Variants in PREX2 observed in about 807,000 individuals in gnomAD.
PREX2 encodes phosphatidylinositol-3,4,5-trisphosphate dependent Rac exchange factor 2.
PREX2 carries 107 observed loss-of-function variants against 203.2 expected under a neutral mutation model. That is an observed-to-expected ratio of 0.53 (90% CI 0.45 to 0.62). The LOEUF is 0.62. PREX2 is among the 20% of genes least tolerant of loss of function. The probability of loss-of-function intolerance (pLI) is 0.00; values close to 1 mark genes in which losing one functional copy is unlikely to be tolerated. For synonymous variants in PREX2, 672 were observed against 663.6 expected, an observed-to-expected ratio of 1.01 and a Z score of -0.19; for missense variants, 1,777 against 1,955.9, an observed-to-expected ratio of 0.91 and a Z score of 1.72.
chr8:67,988,097 C>A (rs1806489300), intron 1 of PREX2, among the ~76,000 whole-genome samples: 1 of 152,300 alleles, frequency 6.6e-6, no homozygotes, highest in South Asian at 2.1e-4. Context: ...ACACCTCTAC[C>A]TTCTAGTCAT....
At chr8:68,122,822 A>C (rs6998897) in intron 30 of PREX2, among the ~76,000 whole-genome samples, 3,865 of 152,134 alleles carry the variant, frequency 0.025, 150 homozygotes, top group African/African-American at 0.087. Context: ...TTTTGAGTGA[A>C]TTTCTTAATC....
intron 32 of PREX2, among the ~76,000 whole-genome samples, chr8:68,136,059 C>G (rs1448694063): frequency 2.6e-5 from 4 of 152,040 alleles, no homozygotes; most frequent in South Asian, 2.1e-4. Context: ...CTAGTGGTTG[C>G]CTACAGCTGA....
intron 37 of PREX2, among the ~76,000 whole-genome samples, chr8:68,201,837 A>G (rs1812508134): frequency 6.6e-6 from 1 of 151,848 alleles, no homozygotes; most frequent in African/African-American, 2.4e-5. Flanking sequence ...GTCTTCTAAC[A>G]TATTCAGGAA....
chr8:67,952,573 G>A, intron 1 of PREX2, 38 bp downstream of exon 1: 1 of 1,587,170 alleles, frequency 6.3e-7, no homozygotes, highest in South Asian at 1.1e-5. Flanking sequence ...ACGTCCGGGC[G>A]GCGCGGGGCG....
intron 33 of PREX2, among the ~76,000 whole-genome samples, chr8:68,143,351 C>T (rs62522680): frequency 0.11 from 17,240 of 152,084 alleles, 1,246 homozygotes; most frequent in East Asian, 0.2. Flanking sequence ...CTCTCTTGCT[C>T]TTGCCATATG....
At chr8:67,984,979 T>C (rs901381907) in intron 1 of PREX2, among the ~76,000 whole-genome samples, 1 of 151,702 alleles carries the variant, frequency 6.6e-6, no homozygotes, top group African/African-American at 2.4e-5. Context: ...TGTTAGGACT[T>C]TGGGCTGTGC....
At chr8:68,229,383 A>G (rs556027793) in intron 39 of PREX2, among the ~76,000 whole-genome samples, 38 of 152,230 alleles carry the variant, frequency 2.5e-4, no homozygotes, top group Non-Finnish European at 5.0e-4. Context: ...CTGCCAAAAA[A>G]TAAATGCTTC....
chr8:68,165,951 T>C (rs7835255), intron 35 of PREX2, among the ~76,000 whole-genome samples: 15,759 of 152,164 alleles, frequency 0.1, 1,059 homozygotes, highest in Admixed American at 0.16. Flanking sequence ...TAGGAAAGTA[T>C]CTGCAATGTT....
At chr8:68,142,538 A>G (rs1459423657) in intron 33 of PREX2, among the ~76,000 whole-genome samples, 3 of 152,180 alleles carry the variant, frequency 2.0e-5, no homozygotes, top group Non-Finnish European at 2.9e-5. Context: ...CATTCAAAGG[A>G]CATCTTGGTT....
intron 8 of PREX2, 85 bp from the exon 9 acceptor site, chr8:68,053,012 A>T: frequency 8.0e-7 from 1 of 1,243,070 alleles, no homozygotes; most frequent in Non-Finnish European, 1.1e-6. Flanking sequence ...GTGGTTTTGG[A>T]ACTTTTGTGT....
intron 35 of PREX2, among the ~76,000 whole-genome samples, chr8:68,187,727 C>T (rs138004751): frequency 9.5e-4 from 145 of 152,238 alleles, no homozygotes; most frequent in African/African-American, 2.9e-3. Flanking sequence ...GAGATGCCGC[C>T]TCTGTTCCAA....
At chr8:68,080,122 A>G (rs1008589284) in intron 15 of PREX2, among the ~76,000 whole-genome samples, 3 of 152,208 alleles carry the variant, frequency 2.0e-5, no homozygotes, top group Non-Finnish European at 4.4e-5. Context: ...TGGATTCATT[A>G]TAATCTTTTA....
intron 35 of PREX2, among the ~76,000 whole-genome samples, chr8:68,178,337 C>G (rs528089565): frequency 5.9e-5 from 9 of 152,174 alleles, no homozygotes; most frequent in African/African-American, 1.9e-4. Context: ...GAGATGGTAT[C>G]TCATTGTGGT....
intron 23 of PREX2, among the ~76,000 whole-genome samples, chr8:68,102,194 A>T (rs1296475147): frequency 6.6e-6 from 1 of 152,150 alleles, no homozygotes; most frequent in Non-Finnish European, 1.5e-5. Context: ...CTCTTCTCTC[A>T]TCCTGCCTCT....
At chr8:68,026,373 A>G (rs1327424562) in intron 4 of PREX2, among the ~76,000 whole-genome samples, 2 of 152,104 alleles carry the variant, frequency 1.3e-5, no homozygotes, top group East Asian at 3.9e-4. Flanking sequence ...GAAAGTTGCT[A>G]ACTTAGTTTG....
chr8:68,174,957 G>A (rs888491348), intron 35 of PREX2, among the ~76,000 whole-genome samples: 1 of 152,188 alleles, frequency 6.6e-6, no homozygotes, highest in Admixed American at 6.5e-5. Context: ...GCAAGCGCAG[G>A]AATGTGCACA....
intron 1 of PREX2, among the ~76,000 whole-genome samples, chr8:68,014,380 T>A (rs1045744080): frequency 6.6e-6 from 1 of 152,034 alleles, no homozygotes; most frequent in Non-Finnish European, 1.5e-5. Flanking sequence ...GTGGAGCCAT[T>A]GTTAGGGGAA....
At chr8:68,164,489 T>C (rs1353746705) in intron 35 of PREX2, among the ~76,000 whole-genome samples, 1 of 151,862 alleles carries the variant, frequency 6.6e-6, no homozygotes, top group Non-Finnish European at 1.5e-5. Context: ...TAGCATCCTT[T>C]TAAAAAATAC....
chr8:67,954,118 A>C (rs933277991), intron 1 of PREX2, among the ~76,000 whole-genome samples: 1 of 152,220 alleles, frequency 6.6e-6, no homozygotes, highest in African/African-American at 2.4e-5. Flanking sequence ...GATCATTACA[A>C]CAGAAAACTT....
Sources: gnomAD v4.1 joint callset for allele counts (sites outside exome capture counted in the v4.1 genomes callset) on GRCh38, gnomAD v4.1.1 for gene constraint, MANE v1.5 for transcripts, NCBI Gene and HGNC (gene_info 2026-07-23, HGNC 2026-07-21) for gene names.